The following NRG1 variants were observed in gnomAD, a reference collection of about 807,000 sequenced individuals.
NRG1 encodes the protein pro-neuregulin-1, membrane-bound isoform.
Under a neutral mutation model 63.8 loss-of-function variants are expected in NRG1, and 18 were observed. The observed-to-expected ratio is 0.28, with a 90% CI of 0.19 to 0.42. The LOEUF is 0.42. Among genes scored for constraint, NRG1 ranks in the 10% least tolerant of loss-of-function variants. NRG1 has a pLI of 1.00. For missense variants in NRG1, 762 were observed against 814.7 expected, an observed-to-expected ratio of 0.94 and a Z score of 0.79; for synonymous variants, 302 against 301.3, an observed-to-expected ratio of 1.00 and a Z score of -0.02.
intron 1 of NRG1, among the ~76,000 whole-genome samples, chr8:31,962,521 A>G (rs952205451): frequency 3.9e-4 from 59 of 152,154 alleles, no homozygotes; most frequent in African/African-American, 1.3e-3. Flanking sequence ...AAAATCCCTA[A>G]AGGAGATAGG....
intron 7 of NRG1, among the ~76,000 whole-genome samples, chr8:32,743,721 A>G (rs1826913030): frequency 1.3e-5 from 2 of 150,048 alleles, no homozygotes; most frequent in Non-Finnish European, 3.0e-5. Context: ...CAAACCATGT[A>G]TTTGTCCTAT....
intron 1 of NRG1, among the ~76,000 whole-genome samples, chr8:32,311,849 A>T (rs747983694): frequency 6.6e-6 from 1 of 152,214 alleles, no homozygotes; most frequent in Non-Finnish European, 1.5e-5. Context: ...GGAAAGCTCA[A>T]AGTCATATCA....
At chr8:32,294,203 C>T (rs1435655271) in intron 1 of NRG1, among the ~76,000 whole-genome samples, 1 of 152,004 alleles carries the variant, frequency 6.6e-6, no homozygotes, top group East Asian at 1.9e-4. Flanking sequence ...GTTACCTTTC[C>T]TTTCCCACTC....
At chr8:32,026,402 G>A (rs1300415797) in intron 1 of NRG1, 1 of 152,008 alleles carries the variant, frequency 6.6e-6, no homozygotes, top group East Asian at 1.9e-4. Flanking sequence ...CCCCAAGAAG[G>A]GCTTACATGG....
chr8:32,280,755 C>CTTTT (rs1563265275), intron 1 of NRG1, among the ~76,000 whole-genome samples: 1 of 18,400 alleles, frequency 5.4e-5, no homozygotes, highest in Non-Finnish European at 1.0e-4. Flanking sequence ...TTTGTCCTTT[C>CTTTT]ATTTTTTTTT....
intron 1 of NRG1, among the ~76,000 whole-genome samples, chr8:32,191,012 TTC>T (rs1430095225): frequency 6.6e-6 from 1 of 152,208 alleles, no homozygotes; most frequent in African/African-American, 2.4e-5. Context: ...GAGACAATAC[TTC>T]TGTCTTCCCA....
At position 32,482,868 on chromosome 8, in the gene NRG1, G is replaced by A. The variant is rs74765692; in HGVS notation, c.38-112960G>A. Among the ~76,000 whole-genome samples the A allele has an allele frequency of 4.3e-3, 651 of 152,288 alleles. 7 individuals are homozygous for A. Among genetic ancestry groups the A allele is most frequent in the African/African-American group, 0.014 (600 of 41,560 alleles). ...TGAAGGTCCAGAGGCACTCCCAGCC[G>A]TCAACCAGCAGTTCTTACACCAGGT... is the stretch of plus-strand genomic sequence containing the variant. On this transcript the variant is annotated intron_variant, in intron 1 of 10. Coordinates refer to the NRG1 transcript ENST00000519301.
chr8:32,483,274 T>C lies in NRG1; in HGVS notation c.38-112554T>C, dbSNP rs1202759943. Among the ~76,000 whole-genome samples, 14 of 152,344 alleles carry C rather than the reference T, an allele frequency of 9.2e-5. No homozygotes were observed. In the East Asian group the frequency reaches 2.5e-3, roughly 27 times the overall value. ...CCTGGCTAGAGAGGACTTCTCTTCC[T>C]TGGGGGTTCTAGTCTATTCTCTGAG... is the stretch of plus-strand genomic sequence containing the variant. On this transcript the variant is annotated intron_variant, in intron 1 of 10. Coordinates refer to the NRG1 transcript ENST00000519301.
intron 1 of NRG1, among the ~76,000 whole-genome samples, chr8:32,078,009 A>G (rs570887150): frequency 2.0e-5 from 3 of 152,340 alleles, no homozygotes; most frequent in African/African-American, 7.2e-5. Flanking sequence ...GTAATTGGCC[A>G]TATAGTAAAA....
At chr8:32,520,753 A>C (rs2129505544) in intron 1 of NRG1, among the ~76,000 whole-genome samples, 1 of 152,314 alleles carries the variant, frequency 6.6e-6, no homozygotes, top group East Asian at 1.9e-4. Context: ...ATATTAGATA[A>C]AAAATCCCAG....
intron 1 of NRG1, among the ~76,000 whole-genome samples, chr8:31,884,234 A>T (rs893765333): frequency 1.3e-5 from 2 of 152,086 alleles, no homozygotes; most frequent in East Asian, 3.9e-4. Flanking sequence ...CCTCGTGTAA[A>T]ATAAGCTTCA....
intron 1 of NRG1, among the ~76,000 whole-genome samples, chr8:31,657,980 A>G (rs1805595545): frequency 6.6e-6 from 1 of 152,172 alleles, no homozygotes; most frequent in Non-Finnish European, 1.5e-5. Context: ...ACCTGTTGCT[A>G]AAGGTAGACT....
At chr8:32,177,571 G>A (rs1840930125) in intron 1 of NRG1, among the ~76,000 whole-genome samples, 2 of 151,900 alleles carry the variant, frequency 1.3e-5, no homozygotes, top group Admixed American at 6.6e-5. Flanking sequence ...AGGCCCTGAT[G>A]TGTAATGTTC....
At chr8:32,638,265 G>C (rs1851698346) in intron 5 of NRG1, among the ~76,000 whole-genome samples, 1 of 152,026 alleles carries the variant, frequency 6.6e-6, no homozygotes, top group South Asian at 2.1e-4. Flanking sequence ...GTATACCTGT[G>C]TAACAAACCT....
At chr8:32,470,717 T>C (rs1391674657) in intron 1 of NRG1, among the ~76,000 whole-genome samples, 2 of 152,158 alleles carry the variant, frequency 1.3e-5, no homozygotes, top group African/African-American at 4.8e-5. Flanking sequence ...ATGAACCTCA[T>C]TGGATAACTC....
At chr8:32,716,858 AGAT>A (rs1819366857) in intron 5 of NRG1, among the ~76,000 whole-genome samples, 1 of 152,058 alleles carries the variant, frequency 6.6e-6, no homozygotes, top group African/African-American at 2.4e-5. Flanking sequence ...CAGCAAAGCC[AGAT>A]GATGATAGCA....
intron 1 of NRG1, among the ~76,000 whole-genome samples, chr8:32,381,283 T>A (rs544563947): frequency 3.3e-5 from 5 of 152,336 alleles, no homozygotes; most frequent in Non-Finnish European, 5.9e-5. Flanking sequence ...TGTCATTCCA[T>A]GAAAATAACT....
chr8:32,375,296 A>G (rs1424016218), intron 1 of NRG1, among the ~76,000 whole-genome samples: 1 of 152,106 alleles, frequency 6.6e-6, no homozygotes, highest in Non-Finnish European at 1.5e-5. Flanking sequence ...ATTTTTAGAC[A>G]GCTACCCCTC....
At chr8:32,284,297 C>G (rs1853233691) in intron 1 of NRG1, among the ~76,000 whole-genome samples, 1 of 152,096 alleles carries the variant, frequency 6.6e-6, no homozygotes. Flanking sequence ...TTCATGTCTC[C>G]TCCTAGTAAT....
Sources: gnomAD v4.1 joint callset for allele counts (sites outside exome capture counted in the v4.1 genomes callset) on GRCh38, gnomAD v4.1.1 for gene constraint, MANE v1.5 for transcripts, NCBI Gene and HGNC (gene_info 2026-07-23, HGNC 2026-07-21) for gene names.